STX1B: variants seen among roughly 807,000 people sequenced by gnomAD.
STX1B encodes the protein syntaxin-1B.
A neutral mutation model predicts 39.4 loss-of-function variants in STX1B; 7 were observed. The observed-to-expected ratio is 0.18, with a 90% CI of 0.10 to 0.33. STX1B has a LOEUF of 0.33. STX1B is among the 10% of genes least tolerant of loss of function. The probability of loss-of-function intolerance (pLI) is 1.00; values close to 1 mark genes in which losing one functional copy is unlikely to be tolerated. For synonymous variants in STX1B, 136 were observed against 144.1 expected, an observed-to-expected ratio of 0.94 and a Z score of 0.40; for missense variants, 198 against 383.2, an observed-to-expected ratio of 0.52 and a Z score of 4.04.
At position 31,001,511 on chromosome 16, in the gene STX1B, G is replaced by T. The variant is rs757726520; in HGVS notation, c.105+18C>A. ...GCTGGGGCTGGGGCTGGGGCTGGGG[G>T]CCTTGGAGGCCCATTACCTGTTCAA... On this transcript the variant is annotated intron_variant, in intron 2 of 9. Coordinates refer to ENST00000215095, the MANE Select transcript of STX1B (RefSeq NM_052874.5). The surrounding 1 kb of genome is among the most constrained non-coding windows in gnomAD (Gnocchi z 5.5). 1 of 1,591,290 alleles carries T rather than the reference G, an allele frequency of 6.3e-7. No individual in the cohort carries two copies.
At chr16:31,007,501 A>G (rs1441641066) in intron 1 of STX1B, among the ~76,000 whole-genome samples, 1 of 152,048 alleles carries the variant, frequency 6.6e-6, no homozygotes, top group Non-Finnish European at 1.5e-5. Flanking sequence ...TTCACTCCTT[A>G]GACCCTGGGA....
chr16:31,001,777 G>A lies in STX1B; in HGVS notation c.31-174C>T, dbSNP rs1270444106. On this transcript the variant is annotated intron_variant, in intron 1 of 9. Transcript: ENST00000215095. The surrounding 1 kb of genome is among the most constrained non-coding windows in gnomAD (Gnocchi z 5.5). Reference sequence around the variant, plus strand: ...AGGGTAGATGGCAAAGGCACCAAAAGTGTTTGTCAGCCCAAAGGATTCCTT... The same window carrying A: ...AGGGTAGATGGCAAAGGCACCAAAAATGTTTGTCAGCCCAAAGGATTCCTT... Among the ~76,000 whole-genome samples the A allele has an allele frequency of 6.6e-6, 1 of 152,160 alleles. No individual in the cohort carries two copies. Among genetic ancestry groups the A allele is most frequent in the Non-Finnish European group, 1.5e-5 (1 of 68,016 alleles).
chr16:30,994,990 C>T (rs986066307), intron 7 of STX1B, among the ~76,000 whole-genome samples: 4 of 139,442 alleles, frequency 2.9e-5, no homozygotes, highest in East Asian at 4.2e-4. Flanking sequence ...TAGCTCACTG[C>T]GGCCTTGACC....
chr16:30,992,703 C>T lies in STX1B; in HGVS notation c.*118G>A, dbSNP rs1354425146. 4.6e-6 allele frequency: 1 copy of T among 218,698 alleles called. No individual in the cohort carries two copies. Among genetic ancestry groups the T allele is most frequent in the Non-Finnish European group, 8.2e-6 (1 of 122,634 alleles). 13.5% of individuals were successfully genotyped at this position (218,698 alleles called of 1,614,324 possible). A position where few individuals can be genotyped will look rare whatever the true frequency, so the allele number is the denominator to read the frequency against. On this transcript the variant is annotated 3_prime_UTR_variant, in exon 10 of 10. Transcript: ENST00000215095. Reference sequence around the variant, plus strand: ...ACCAGGGTCTGCCGTGGGGGTGGGGCTGCCTGGGTCTGTTTTGGGAGTGAG... The same window carrying T: ...ACCAGGGTCTGCCGTGGGGGTGGGGTTGCCTGGGTCTGTTTTGGGAGTGAG...
chr16:30,996,482 GA>G, intron 7 of STX1B, 200 bp downstream of exon 7: 1 of 585,484 alleles, frequency 1.7e-6, no homozygotes, highest in East Asian at 2.9e-5. Flanking sequence ...AAAGTGCTTA[GA>G]ACAGTGCCTG....
Position 31,001,253 on chromosome 16 carries a change from G to C in STX1B, c.106-60C>G. The C allele has an allele frequency of 6.5e-7, 1 of 1,546,104 alleles. No homozygotes were observed. The highest frequency in any genetic ancestry group is 8.9e-7 in the Non-Finnish European group (1 of 1,126,918). On this transcript the variant is annotated intron_variant, in intron 2 of 9. Coordinates refer to ENST00000215095, the MANE Select transcript of STX1B (RefSeq NM_052874.5). This position sits in a 1 kb window ranked among gnomAD's most constrained non-coding sequence, Gnocchi z 5.5. ...GTCAGGCCAAACAACGGGTTCCAGGGGAACCAGCCAGGGTTCAGGGGAATG... is the reference window on the plus strand; with the variant it reads ...GTCAGGCCAAACAACGGGTTCCAGGCGAACCAGCCAGGGTTCAGGGGAATG...
intron 4 of STX1B, among the ~76,000 whole-genome samples, chr16:30,998,825 G>A (rs556265926): frequency 7.2e-5 from 11 of 152,072 alleles, no homozygotes; most frequent in Non-Finnish European, 1.2e-4. Flanking sequence ...AGTGTTCAAG[G>A]TCAAGGCTTG....
chr16:30,995,545 G>A (rs1332704079), intron 7 of STX1B, among the ~76,000 whole-genome samples: 1 of 151,300 alleles, frequency 6.6e-6, no homozygotes, highest in African/African-American at 2.4e-5. Context: ...AGGCCGGAGT[G>A]CAGTGGCAAG....
chr16:30,993,556 A>G, intron 7 of STX1B, 72 bp from the exon 8 acceptor site: 1 of 1,571,216 alleles, frequency 6.4e-7, no homozygotes, highest in South Asian at 1.1e-5. Context: ...TGGAGTGGCC[A>G]GGGTCAAATC....
At position 31,001,660 on chromosome 16, in the gene STX1B, G is replaced by T; in HGVS notation, c.31-57C>A. 1 of 1,340,500 alleles carries T rather than the reference G, an allele frequency of 7.5e-7. No homozygotes were observed. The highest frequency in any genetic ancestry group is 1.1e-6 in the Non-Finnish European group (1 of 947,366). 83.0% of individuals were successfully genotyped at this position (1,340,500 alleles called of 1,614,324 possible). A position where few individuals can be genotyped will look rare whatever the true frequency, so the allele number is the denominator to read the frequency against. On this transcript the variant is annotated intron_variant, in intron 1 of 9. Transcript: ENST00000215095. This position sits in a 1 kb window ranked among gnomAD's most constrained non-coding sequence, Gnocchi z 5.5. ...GGCCCTACCTGGGTCCCCAAGGCTG[G>T]CTCTCCAGCTCTCCCACCCTCTCCC...
Position 30,993,490 on chromosome 16 carries a change from GTGA to G in STX1B, c.538-9_538-7del, listed in dbSNP as rs779252673. 6.2e-7 allele frequency: 1 copy of G among 1,613,512 alleles called. No homozygotes were observed. The highest frequency in any genetic ancestry group is 1.3e-5 in the African/African-American group (1 of 75,016). On this transcript the variant is annotated splice_polypyrimidine_tract_variant and splice_region_variant and intron_variant, in intron 7 of 9. Transcript: ENST00000215095. ...ATCTGTGAGTCCATTTTGATCTAGG[GTGA>G]CGAGGGAGAGAGCTACAATCACCCT...
Position 31,010,381 on chromosome 16 carries a change from G to T in STX1B, c.16C>A (p.Gln6Lys). 1 of 1,464,594 alleles carries T rather than the reference G, an allele frequency of 6.8e-7. No homozygotes were observed. The allele number at this position is 1,464,594 out of a possible 1,614,324, so 90.7% of individuals were successfully genotyped here. A position where few individuals can be genotyped will look rare whatever the true frequency, so the allele number is the denominator to read the frequency against. The part of the protein sequence containing the change: MKDRT[Q>K]ELRSAKDSDD... The stretch of plus-strand genomic sequence containing the variant: ...CCCAAGCTCACACTCCGCAGCTCTT[G>T]AGTCCGATCCTTCATCCTGCGACGG... Residue 6 changes from glutamine (Q) to lysine (K), a missense_variant, in exon 1 of 10, where the codon CAA (glutamine) becomes AAA (lysine). By Grantham distance (53) the Gln-to-Lys change is moderately conservative. Coordinates refer to ENST00000215095, the MANE Select transcript of STX1B (RefSeq NM_052874.5).
chr16:31,005,601 C>T (rs2056651276), intron 1 of STX1B, among the ~76,000 whole-genome samples: 1 of 151,398 alleles, frequency 6.6e-6, no homozygotes, highest in Non-Finnish European at 1.5e-5. Flanking sequence ...AGCCACTGCA[C>T]CCAGCCTGCA....
At chr16:31,008,243 C>T (rs2056664245) in intron 1 of STX1B, among the ~76,000 whole-genome samples, 1 of 148,952 alleles carries the variant, frequency 6.7e-6, no homozygotes, top group Non-Finnish European at 1.5e-5. Context: ...CCCCGCCCGC[C>T]CCCTCTTGAA....
chr16:30,996,782 CG>C (rs2143668759), intron 6 of STX1B, 26 bp from the exon 7 acceptor site: 2 of 1,612,820 alleles, frequency 1.2e-6, no homozygotes, highest in Non-Finnish European at 1.7e-6. Context: ...ACTCCCTGCT[CG>C]GGGGCTGGGA....
chr16:31,006,383 T>C (rs2056655326), intron 1 of STX1B, among the ~76,000 whole-genome samples: 1 of 152,120 alleles, frequency 6.6e-6, no homozygotes, highest in Non-Finnish European at 1.5e-5. Flanking sequence ...TCCCTCTGCT[T>C]CATGGAGTCA....
chr16:31,002,543 CT>C (rs934576439), intron 1 of STX1B, among the ~76,000 whole-genome samples: 5 of 152,210 alleles, frequency 3.3e-5, no homozygotes, highest in Admixed American at 3.3e-4. Context: ...AGCTGCACCC[CT>C]GAGGACATTT....
intron 7 of STX1B, among the ~76,000 whole-genome samples, chr16:30,995,757 C>T (rs1358575578): frequency 5.9e-5 from 9 of 152,128 alleles, no homozygotes; most frequent in Admixed American, 2.6e-4. Context: ...TCCCAAAGTG[C>T]TGGGATTACA....
chr16:30,993,435 G>A lies in STX1B; in HGVS notation c.587C>T (p.Thr196Met), dbSNP rs2056574109. 3 of 1,613,918 alleles carry A rather than the reference G, an allele frequency of 1.9e-6. No individual in the cohort carries two copies. Among genetic ancestry groups the A allele is most frequent in the East Asian group, 2.2e-5 (1 of 44,882 alleles). The stretch of plus-strand genomic sequence containing the variant: ...CAGCTTGATGATCTCATTGTGCCTC[G>A]TCTCAATCTCATTCAGCGCCTGCTT... ...MTKQALNEIE[T>M]RHNEIIKLET... The change falls in exon 8 of 10, where the codon ACG becomes ATG. Residue 196 changes from threonine to methionine, a missense_variant. By Grantham distance (81) the Thr-to-Met change is moderately conservative. Transcript: ENST00000215095.
Sources: gnomAD v4.1 joint callset for allele counts (sites outside exome capture counted in the v4.1 genomes callset) on GRCh38, gnomAD v4.1.1 for gene constraint, Gnocchi (gnomAD v3.1) non-coding constraint, MANE v1.5 for transcripts, NCBI Gene and HGNC (gene_info 2026-07-23, HGNC 2026-07-21) for gene names.